Variants in MYOM1 observed in about 807,000 individuals in gnomAD.
The protein encoded by MYOM1 is myomesin 1, also known as myomesin-1.
MYOM1 carries 164 observed loss-of-function variants against 205.3 expected under a neutral mutation model. The ratio of observed to expected loss-of-function variants is 0.80; its 90% CI spans 0.70 to 0.91. The LOEUF (loss-of-function observed/expected upper bound fraction) is 0.91. Among genes scored for constraint, MYOM1 ranks in the 40% least tolerant of loss-of-function variants. The pLI, the probability that MYOM1 is intolerant of heterozygous loss-of-function variation, is 0.00. For missense variants in MYOM1, 2,011 were observed against 2,127.3 expected (o/e 0.95, Z 1.08); for synonymous variants, 772 against 789.4 (o/e 0.98, Z 0.37).
Position 3,142,932 on chromosome 18 carries a change from C to G in MYOM1, c.1901-869G>C, listed in dbSNP as rs557843406. 2.0e-5 allele frequency among the ~76,000 whole-genome samples: 3 copies of G among 152,184 alleles called. No homozygotes were observed. The East Asian group carries it at 5.8e-4, about 29-fold the overall frequency. The stretch of plus-strand genomic sequence containing the variant: ...AGGGAGGAGACTGGAAATACATAGA[C>G]TCCAGAGGTCAAGAAAAATAATGGG... On this transcript the variant is annotated intron_variant, in intron 13 of 37. Transcript: ENST00000356443.
At chr18:3,137,137 AG>A (rs1411045319) in intron 14 of MYOM1, among the ~76,000 whole-genome samples, 1 of 151,710 alleles carries the variant, frequency 6.6e-6, no homozygotes, top group Admixed American at 6.6e-5. Context: ...TTTTTAGTAG[AG>A]GGGGGTTTCA....
chr18:3,234,180 AAAGAAG>A, the MYOM1 span, among the ~76,000 whole-genome samples: 13 of 152,112 alleles, frequency 8.5e-5, no homozygotes, highest in South Asian at 2.7e-3. Context: ...CGTGCTCAAT[AAAGAAG>A]AAGAAGAAGA....
intron 4 of MYOM1, among the ~76,000 whole-genome samples, chr18:3,187,840 A>T (rs1304107605): frequency 1.4e-5 from 2 of 147,306 alleles, no homozygotes; most frequent in Non-Finnish European, 3.0e-5. Context: ...CTTAAGCAAC[A>T]TCTTTGATTT....
chr18:3,239,025 C>T, the MYOM1 span, among the ~76,000 whole-genome samples: 1 of 152,238 alleles, frequency 6.6e-6, no homozygotes, highest in African/African-American at 2.4e-5. Flanking sequence ...CTCATTCCAT[C>T]TTCTCCCTTG....
At chr18:3,128,602 TG>T (rs968964081) in intron 18 of MYOM1, among the ~76,000 whole-genome samples, 31 of 152,332 alleles carry the variant, frequency 2.0e-4, no homozygotes, top group South Asian at 1.4e-3. Context: ...TATTTATAGC[TG>T]TTTTTTTCTT....
chr18:3,220,645 C>T (rs528887518), upstream of MYOM1, among the ~76,000 whole-genome samples: 80 of 152,212 alleles, frequency 5.3e-4, no homozygotes, highest in African/African-American at 1.8e-3. Flanking sequence ...AGGTGTAACC[C>T]GGTTGTGAGA....
At chr18:3,190,097 T>C (rs887524408) in intron 3 of MYOM1, among the ~76,000 whole-genome samples, 5 of 152,162 alleles carry the variant, frequency 3.3e-5, no homozygotes, top group Admixed American at 1.3e-4. Context: ...TTATTCATAA[T>C]TGACAATAGT....
intron 8 of MYOM1, among the ~76,000 whole-genome samples, chr18:3,172,172 T>C (rs890406755): frequency 1.4e-4 from 22 of 152,212 alleles, no homozygotes; most frequent in African/African-American, 5.1e-4. Context: ...TCTGTGATAT[T>C]TACCAACATT....
intron 2 of MYOM1, among the ~76,000 whole-genome samples, chr18:3,196,731 T>C (rs2080993292): frequency 6.6e-6 from 1 of 152,190 alleles, no homozygotes; most frequent in Non-Finnish European, 1.5e-5. Context: ...CATATCCTGG[T>C]GTGTAGGACA....
chr18:3,175,782 A>G (rs1206648698), intron 6 of MYOM1, among the ~76,000 whole-genome samples: 1 of 152,224 alleles, frequency 6.6e-6, no homozygotes, highest in Non-Finnish European at 1.5e-5. Flanking sequence ...AAGATAAATA[A>G]AAACATGCAA....
chr18:3,148,823 G>A (rs1196050046), intron 13 of MYOM1, among the ~76,000 whole-genome samples: 1 of 133,958 alleles, frequency 7.5e-6, no homozygotes, highest in Non-Finnish European at 1.5e-5. Context: ...TCCACCCTGG[G>A]CGACAGAGCG....
chr18:3,087,914 G>C (rs1318849144), intron 29 of MYOM1, among the ~76,000 whole-genome samples: 1 of 152,218 alleles, frequency 6.6e-6, no homozygotes, highest in Non-Finnish European at 1.5e-5. Context: ...CGACACGTGA[G>C]TGGCTAAATT....
chr18:3,223,977 T>C (rs1340703924), upstream of MYOM1, among the ~76,000 whole-genome samples: 2 of 152,022 alleles, frequency 1.3e-5, no homozygotes, highest in Admixed American at 6.6e-5. Flanking sequence ...AAATTTCATC[T>C]AGTTATTAAA....
intron 19 of MYOM1, among the ~76,000 whole-genome samples, chr18:3,124,281 AGAC>A (rs1224899706): frequency 2.0e-5 from 3 of 149,050 alleles, no homozygotes; most frequent in African/African-American, 5.0e-5. Context: ...AATAGCAGGC[AGAC>A]GACAAACTTT....
intron 13 of MYOM1, among the ~76,000 whole-genome samples, chr18:3,147,138 A>G (rs1241671709): frequency 1.4e-5 from 2 of 142,982 alleles, no homozygotes; most frequent in Non-Finnish European, 3.0e-5. Context: ...TATATTATAG[A>G]TAAATATATA....
chr18:3,073,093 A>G (rs1349953778), intron 36 of MYOM1, among the ~76,000 whole-genome samples: 1 of 150,236 alleles, frequency 6.7e-6, no homozygotes, highest in African/African-American at 2.4e-5. Context: ...GATTACAGGC[A>G]CAAGCCACCA....
intron 36 of MYOM1, 121 bp from the exon 37 acceptor site, chr18:3,072,010 C>T (rs1423889251): frequency 1.2e-6 from 1 of 816,038 alleles, no homozygotes; most frequent in Non-Finnish European, 2.0e-6. Flanking sequence ...TTCTTTTATA[C>T]AGTTTTCAAC....
chr18:3,079,123 C>T (rs889201398), intron 34 of MYOM1, 56 bp downstream of exon 34: 4 of 1,576,972 alleles, frequency 2.5e-6, no homozygotes, highest in Middle Eastern at 2.1e-4. Flanking sequence ...CCCTTCATTC[C>T]TTTTAAAAGG....
At chr18:3,193,545 T>C (rs965185115) in intron 3 of MYOM1, among the ~76,000 whole-genome samples, 4 of 152,042 alleles carry the variant, frequency 2.6e-5, no homozygotes, top group African/African-American at 9.7e-5. Context: ...CCATCCTACG[T>C]GATGGCAAAA....
Sources: gnomAD v4.1 joint callset for allele counts (sites outside exome capture counted in the v4.1 genomes callset) on GRCh38, gnomAD v4.1.1 for gene constraint, MANE v1.5 for transcripts, NCBI Gene and HGNC (gene_info 2026-07-23, HGNC 2026-07-21) for gene names.